ALK: variants seen among roughly 807,000 people sequenced by gnomAD.
The protein encoded by ALK is ALK receptor tyrosine kinase.
In ALK, 74 loss-of-function variants were observed where a neutral mutation model predicts 163.1. The observed-to-expected ratio is 0.45, with a 90% CI of 0.38 to 0.55. ALK has a LOEUF of 0.55. Among genes scored for constraint, ALK ranks in the 20% least tolerant of loss-of-function variants. The pLI is 0.00. For missense variants in ALK, 2,063 were observed against 2,105.3 expected, an observed-to-expected ratio of 0.98 and a Z score of 0.39; for synonymous variants, 960 against 843.2, an observed-to-expected ratio of 1.14 and a Z score of -2.40.
intron 4 of ALK, among the ~76,000 whole-genome samples, chr2:29,386,842 C>T (rs1669043180): frequency 6.6e-6 from 1 of 152,160 alleles, no homozygotes; most frequent in East Asian, 1.9e-4. Context: ...TATCTAGGGT[C>T]AGATTTGTTT....
intron 3 of ALK, among the ~76,000 whole-genome samples, chr2:29,573,710 A>G (rs1573467686): frequency 1.3e-5 from 2 of 152,240 alleles, no homozygotes; most frequent in East Asian, 3.8e-4. Flanking sequence ...ATTTACTATC[A>G]GGCCTTTTAC....
At chr2:29,380,337 C>T (rs1668865424) in intron 5 of ALK, among the ~76,000 whole-genome samples, 1 of 151,980 alleles carries the variant, frequency 6.6e-6, no homozygotes, top group Non-Finnish European at 1.5e-5. Flanking sequence ...ATCTCTTGAC[C>T]TCGTGATCCA....
intron 2 of ALK, 150 bp downstream of exon 2, chr2:29,717,428 T>C: frequency 1.1e-6 from 1 of 928,646 alleles, no homozygotes; most frequent in East Asian, 2.6e-5. Context: ...TGAGCGTCAC[T>C]GGGAGACAGA....
chr2:29,320,140 C>G (rs902689857), intron 7 of ALK, among the ~76,000 whole-genome samples: 7 of 152,362 alleles, frequency 4.6e-5, no homozygotes, highest in Non-Finnish European at 7.3e-5. Context: ...TCAGCTTACC[C>G]AGGAGGGGCT....
chr2:29,701,880 C>T (rs1389368232), intron 2 of ALK, among the ~76,000 whole-genome samples: 1 of 152,112 alleles, frequency 6.6e-6, no homozygotes, highest in Non-Finnish European at 1.5e-5. Flanking sequence ...GCTATGTGGT[C>T]TTTTACTGAT....
chr2:29,344,720 T>C (rs898449727), intron 5 of ALK, among the ~76,000 whole-genome samples: 22 of 152,256 alleles, frequency 1.4e-4, no homozygotes, highest in African/African-American at 5.3e-4. Context: ...TTTGCTACTA[T>C]GCTCTGGAGT....
intron 3 of ALK, among the ~76,000 whole-genome samples, chr2:29,575,067 C>G (rs1042071414): frequency 6.6e-6 from 1 of 152,160 alleles, no homozygotes; most frequent in Non-Finnish European, 1.5e-5. Flanking sequence ...AAATCAGACT[C>G]TATTTCTGAT....
chr2:29,364,421 C>A (rs578146972), intron 5 of ALK, among the ~76,000 whole-genome samples: 7 of 152,282 alleles, frequency 4.6e-5, no homozygotes, highest in Non-Finnish European at 8.8e-5. Flanking sequence ...CATGTCACTG[C>A]TTAGAAAGGC....
At chr2:29,226,716 A>T (rs1337075680) in intron 18 of ALK, among the ~76,000 whole-genome samples, 1 of 152,102 alleles carries the variant, frequency 6.6e-6, no homozygotes, top group Non-Finnish European at 1.5e-5. Flanking sequence ...GGCTTATTCT[A>T]TAGTAGAGGA....
At chr2:29,447,205 C>T (rs947088179) in intron 4 of ALK, among the ~76,000 whole-genome samples, 2 of 152,110 alleles carry the variant, frequency 1.3e-5, no homozygotes, top group African/African-American at 4.8e-5. Context: ...CACAATCTAC[C>T]CCCAGCTGAC....
At chr2:29,589,926 C>A (rs975289125) in intron 3 of ALK, among the ~76,000 whole-genome samples, 1 of 152,200 alleles carries the variant, frequency 6.6e-6, no homozygotes, top group South Asian at 2.1e-4. Flanking sequence ...CCCTCTAGCA[C>A]GCTTGTCAAA....
At chr2:29,483,621 T>C (rs541689578) in intron 4 of ALK, among the ~76,000 whole-genome samples, 18 of 152,346 alleles carry the variant, frequency 1.2e-4, no homozygotes, top group African/African-American at 4.1e-4. Flanking sequence ...CAGAAATGCA[T>C]AGAGAATAAT....
At chr2:29,855,611 A>G (rs1666118983) in intron 1 of ALK, among the ~76,000 whole-genome samples, 1 of 152,218 alleles carries the variant, frequency 6.6e-6, no homozygotes, top group African/African-American at 2.4e-5. Context: ...AAATTAATTA[A>G]TAGGAATCAA....
chr2:29,212,329 G>A (rs939062995), intron 24 of ALK, among the ~76,000 whole-genome samples: 3 of 152,136 alleles, frequency 2.0e-5, no homozygotes, highest in Non-Finnish European at 4.4e-5. Flanking sequence ...GGAAAGTTCT[G>A]GGTACAATGC....
chr2:29,661,920 G>T (rs1677359623), intron 3 of ALK, among the ~76,000 whole-genome samples: 1 of 151,664 alleles, frequency 6.6e-6, no homozygotes, highest in Non-Finnish European at 1.5e-5. Context: ...TATTGTTGTT[G>T]TTTTTTTTGA....
At chr2:29,848,687 T>C (rs959824016) in intron 1 of ALK, among the ~76,000 whole-genome samples, 1 of 152,166 alleles carries the variant, frequency 6.6e-6, no homozygotes, top group Non-Finnish European at 1.5e-5. Flanking sequence ...TGTGGCTAAA[T>C]TCTGGAATGG....
At chr2:29,918,386 T>C (rs1425190078) in intron 1 of ALK, among the ~76,000 whole-genome samples, 3 of 152,238 alleles carry the variant, frequency 2.0e-5, no homozygotes, top group South Asian at 2.1e-4. Context: ...GAATGTTGCA[T>C]GTATAAACCA....
At chr2:29,837,693 T>A (rs1195214534) in intron 1 of ALK, among the ~76,000 whole-genome samples, 1 of 152,178 alleles carries the variant, frequency 6.6e-6, no homozygotes, top group Non-Finnish European at 1.5e-5. Context: ...AGGACTAAAC[T>A]GATTCACAAG....
chr2:29,469,372 A>G (rs909257925), intron 4 of ALK, among the ~76,000 whole-genome samples: 1 of 152,190 alleles, frequency 6.6e-6, no homozygotes. Context: ...ATCAACAGTA[A>G]TATCTAACAG....
Sources: gnomAD v4.1 joint callset for allele counts (sites outside exome capture counted in the v4.1 genomes callset) on GRCh38, gnomAD v4.1.1 for gene constraint, MANE v1.5 for transcripts, NCBI Gene and HGNC (gene_info 2026-07-23, HGNC 2026-07-21) for gene names.